TGOLN2: variants seen among roughly 807,000 people sequenced by gnomAD.
The protein encoded by TGOLN2 is trans-golgi network protein 2.
In TGOLN2, 19 loss-of-function variants were observed where a neutral mutation model predicts 31.3. That is an observed-to-expected ratio of 0.61 (90% CI 0.42 to 0.89). The LOEUF (loss-of-function observed/expected upper bound fraction) is 0.89. Among genes scored for constraint, TGOLN2 ranks in the 40% least tolerant of loss-of-function variants. The probability of loss-of-function intolerance (pLI) is 0.00; values close to 1 mark genes in which losing one functional copy is unlikely to be tolerated. For missense variants in TGOLN2, 540 were observed against 559.2 expected (o/e 0.97, Z 0.35); for synonymous variants, 222 against 226.7 (o/e 0.98, Z 0.19).
intron 3 of TGOLN2, chr2:85,324,642 A>G (rs1311746801): frequency 6.3e-6 from 3 of 474,382 alleles, no homozygotes; most frequent in South Asian, 4.1e-5. Flanking sequence ...AAAAAAAAAA[A>G]AGAGTGTTTC....
Position 85,327,537 on chromosome 2 carries a change from G to C in TGOLN2, c.195C>G (p.Asp65Glu). 2.5e-6 allele frequency: 4 copies of C among 1,614,072 alleles called. No individual in the cohort carries two copies. The highest frequency in any genetic ancestry group is 3.4e-6 in the Non-Finnish European group (4 of 1,179,900). ...KSHPEPQTPK[D>E]SPSKSSAEAQ... ...CCTCCGCACTCGACTTGCTAGGGCT[G>C]TCTTTTGGAGTCTGCGGCTCCGGAT... Residue 65 changes from aspartate (D) to glutamate (E), a missense_variant, in exon 2 of 4, where the codon GAC (aspartate) becomes GAG (glutamate). Transcript: ENST00000377386.
At chr2:85,323,603 C>A (rs1000521781) in intron 3 of TGOLN2, among the ~76,000 whole-genome samples, 1 of 152,092 alleles carries the variant, frequency 6.6e-6, no homozygotes, top group Non-Finnish European at 1.5e-5. Flanking sequence ...GGGGGAAAAC[C>A]CTTAAAGTCA....
In TGOLN2 at chr2:85,326,508, C is replaced by G. The variant is rs766420496; in HGVS notation, c.1224G>C (p.Lys408Asn). ...CTCCGGAAGGCCGCTGTCGACTTAC[C>G]TTCCGCTTGTTGTGATGAGCGATAT... ...VLYIAHHNKR[K>N]IIAFVLEGKR... Residue 408 changes from lysine to asparagine, a missense_variant and splice_region_variant, in exon 2 of 4, where the codon AAG becomes AAC. Transcript: ENST00000377386. The G allele has an allele frequency of 2.2e-5, 35 of 1,608,950 alleles. No individual in the cohort carries two copies. The highest frequency in any genetic ancestry group is 3.0e-5 in the Non-Finnish European group (35 of 1,175,816).
intron 3 of TGOLN2, chr2:85,324,242 G>C (rs1558671001): frequency 1.3e-5 from 2 of 152,366 alleles, no homozygotes; most frequent in Non-Finnish European, 2.9e-5. Context: ...GACCAACATG[G>C]AGAAACCCAT....
Position 85,327,179 on chromosome 2 carries a change from C to T in TGOLN2, c.553G>A (p.Asp185Asn). 2 of 1,613,578 alleles carry T rather than the reference C, an allele frequency of 1.2e-6. No individual in the cohort carries two copies. The highest frequency in any genetic ancestry group is 1.7e-6 in the Non-Finnish European group (2 of 1,179,828). ...TKDVPNKSGA[D>N]GQTPKDGSSK... Reference sequence around the variant, plus strand: ...GAGCCGTCTTTTGGGGTCTGGCCGTCCGCACCCGACTTATTAGGGACATCT... The same window carrying T: ...GAGCCGTCTTTTGGGGTCTGGCCGTTCGCACCCGACTTATTAGGGACATCT... The change falls in exon 2 of 4, where the codon GAC (aspartate) becomes AAC (asparagine). Residue 185 changes from aspartate (D) to asparagine (N), a missense_variant. Physicochemically the swap from Asp to Asn is conservative, Grantham distance 23. Transcript: ENST00000377386.
chr2:85,318,608 C>G lies in TGOLN2; in HGVS notation c.*4128G>C, dbSNP rs1335111409. ...ACAGTTTCCTCCATGCTGCAATGCT[C>G]TAGTTCTCATCACGCCCATAGCATC... On this transcript the variant is annotated 3_prime_UTR_variant, in exon 4 of 4. Coordinates refer to ENST00000377386, the MANE Select transcript of TGOLN2 (RefSeq NM_006464.4). 1 of 152,256 alleles carries G rather than the reference C, an allele frequency of 6.6e-6. No homozygotes were observed. The highest frequency in any genetic ancestry group is 1.5e-5 in the Non-Finnish European group (1 of 68,050). 9.4% of individuals were successfully genotyped at this position (152,256 alleles called of 1,614,324 possible).
chr2:85,322,478 G>A lies in TGOLN2; in HGVS notation c.*258C>T, dbSNP rs1682581034. The stretch of plus-strand genomic sequence containing the variant: ...TGGAAGCCACCAGCATAAATAAAGG[G>A]AACACAGAAGAACAATGTCACCAAA... On this transcript the variant is annotated 3_prime_UTR_variant, in exon 4 of 4. Coordinates refer to ENST00000377386, the MANE Select transcript of TGOLN2 (RefSeq NM_006464.4). 1.6e-6 allele frequency: 1 copy of A among 611,548 alleles called. No homozygotes were observed. The highest frequency in any genetic ancestry group is 2.7e-6 in the Non-Finnish European group (1 of 364,652). 37.9% of individuals were successfully genotyped at this position (611,548 alleles called of 1,614,324 possible).
intron 2 of TGOLN2, among the ~76,000 whole-genome samples, chr2:85,325,673 T>C (rs1682705552): frequency 6.6e-6 from 1 of 152,174 alleles, no homozygotes; most frequent in South Asian, 2.1e-4. Context: ...AGACGAGGTC[T>C]TGCTATGTTG....
Position 85,326,742 on chromosome 2 carries a change from A to G in TGOLN2, c.990T>C (p.Asp330=), listed in dbSNP as rs1484857523. Residue 330 remains aspartate (D), a synonymous_variant, in exon 2 of 4, where the codon GAT becomes GAC. Coordinates refer to ENST00000377386, the MANE Select transcript of TGOLN2 (RefSeq NM_006464.4). ...GCGGTGAGCCCTCCTCGGGTCCTGT[A>G]TCATCATCTTCAGCCTCTTTGGGCT... is the stretch of plus-strand genomic sequence containing the variant. The part of the protein sequence containing the change: ...DVEPKEAEDD[D]TGPEEGSPPK... 1 of 1,613,836 alleles carries G rather than the reference A, an allele frequency of 6.2e-7. No homozygotes were observed. Among genetic ancestry groups the G allele is most frequent in the Admixed American group, 1.7e-5 (1 of 60,000 alleles).
chr2:85,327,055 G>A lies in TGOLN2; in HGVS notation c.677C>T (p.Ala226Val), dbSNP rs1682759712. Reference sequence around the variant, plus strand: ...CCCGTCTATTGGGCCCTGCTCCTCTGCACCGGACTTGTTAGAGCCGTCTTT... The same window carrying A: ...CCCGTCTATTGGGCCCTGCTCCTCTACACCGGACTTGTTAGAGCCGTCTTT... Reference protein sequence around the residue: ...TPKDGSNKSGAEEQGPIDGPS... With the variant: ...TPKDGSNKSGVEEQGPIDGPS... Residue 226 changes from alanine to valine, a missense_variant, in exon 2 of 4, where the codon GCA becomes GTA. By Grantham distance (64) the Ala-to-Val change is moderately conservative. Transcript: ENST00000377386. 1.2e-6 allele frequency: 2 copies of A among 1,613,550 alleles called. No homozygotes were observed. Among genetic ancestry groups the A allele is most frequent in the Non-Finnish European group, 8.5e-7 (1 of 1,179,786 alleles).
At position 85,326,518 on chromosome 2, in the gene TGOLN2, T is replaced by C. The variant is rs993898816; in HGVS notation, c.1214A>G (p.Asn405Ser). 1.2e-6 allele frequency: 2 copies of C among 1,610,506 alleles called. No individual in the cohort carries two copies. The highest frequency in any genetic ancestry group is 2.7e-5 in the African/African-American group (2 of 74,848). The change falls in exon 2 of 4, where the codon AAC (asparagine) becomes AGC (serine). Residue 405 changes from asparagine to serine, a missense_variant. Coordinates refer to ENST00000377386, the MANE Select transcript of TGOLN2 (RefSeq NM_006464.4). ...LVAVLYIAHH[N>S]KRKIIAFVLE... ...CCGCTGTCGACTTACCTTCCGCTTG[T>C]TGTGATGAGCGATATAGAGGACAGC...
At chr2:85,324,189 G>A (rs761940499) in intron 3 of TGOLN2, among the ~76,000 whole-genome samples, 1 of 152,150 alleles carries the variant, frequency 6.6e-6, no homozygotes, top group Admixed American at 6.5e-5. Flanking sequence ...TTGGGAGGTC[G>A]AGGCGGGCGG....
intron 3 of TGOLN2, among the ~76,000 whole-genome samples, chr2:85,324,204 C>T (rs904528820): frequency 2.6e-5 from 4 of 152,096 alleles, no homozygotes; most frequent in African/African-American, 9.7e-5. Context: ...GGGCGGATCA[C>T]CTGAGGTTGG....
chr2:85,326,837 C>A lies in TGOLN2; in HGVS notation c.895G>T (p.Gly299Trp), dbSNP rs1371673993. 6.2e-7 allele frequency: 1 copy of A among 1,614,038 alleles called. No homozygotes were observed. The change falls in exon 2 of 4, where the codon GGG becomes TGG. Residue 299 changes from glycine to tryptophan, a missense_variant. Coordinates refer to ENST00000377386, the MANE Select transcript of TGOLN2 (RefSeq NM_006464.4). ...LSPHAFKTES[G>W]EETDLISPPQ... ...GGAGAAATGAGGTCAGTTTCCTCCC[C>A]AGATTCGGTTTTGAAAGCATGAGGA...
Position 85,327,150 on chromosome 2 carries a change from G to C in TGOLN2, c.582C>G (p.Ser194Arg). The stretch of plus-strand genomic sequence containing the variant: ...GGGTCTGATCCTCCGCACCCGACTT[G>C]CTGGAGCCGTCTTTTGGGGTCTGGC... ...ADGQTPKDGS[S>R]KSGAEDQTPK... The change falls in exon 2 of 4, where the codon AGC (serine) becomes AGG (arginine). Residue 194 changes from serine (S) to arginine (R), a missense_variant. Coordinates refer to ENST00000377386, the MANE Select transcript of TGOLN2 (RefSeq NM_006464.4). 6.2e-7 allele frequency: 1 copy of C among 1,613,732 alleles called. No homozygotes were observed. Among genetic ancestry groups the C allele is most frequent in the Non-Finnish European group, 8.5e-7 (1 of 1,179,828 alleles).
At chr2:85,327,827 G>C in intron 1 of TGOLN2, 90 bp downstream of exon 1, 1 of 1,539,832 alleles carries the variant, frequency 6.5e-7, no homozygotes, top group Admixed American at 2.0e-5. Flanking sequence ...AGGTGGGTCG[G>C]GTAGGGAAGA....
chr2:85,326,529 G>A lies in TGOLN2; in HGVS notation c.1203C>T (p.Ile401=), dbSNP rs1447038626. Residue 401 remains isoleucine, a synonymous_variant, in exon 2 of 4, where the codon ATC becomes ATT. Transcript: ENST00000377386. The part of the protein sequence containing the change: ...TAAILVAVLY[I]AHHNKRKIIA... ...TTACCTTCCGCTTGTTGTGATGAGC[G>A]ATATAGAGGACAGCCACAAGAATGG... The A allele has an allele frequency of 3.7e-6, 6 of 1,613,498 alleles. No homozygotes were observed. Among genetic ancestry groups the A allele is most frequent in the South Asian group, 2.2e-5 (2 of 91,082 alleles).
At chr2:85,325,858 T>C (rs984789476) in intron 2 of TGOLN2, among the ~76,000 whole-genome samples, 9 of 152,230 alleles carry the variant, frequency 5.9e-5, no homozygotes, top group African/African-American at 1.9e-4. Context: ...GACTCTCCAA[T>C]TTTAAGCAGG....
In TGOLN2 at chr2:85,322,285, A is replaced by C; in HGVS notation, c.*451T>G. 1 of 208,878 alleles carries C rather than the reference A, an allele frequency of 4.8e-6. No homozygotes were observed. The highest frequency in any genetic ancestry group is 9.5e-6 in the Non-Finnish European group (1 of 105,806). 12.9% of individuals were successfully genotyped at this position (208,878 alleles called of 1,614,324 possible). ...ACCTGCAGTTTTCCCCTAGGTCTGC[A>C]GAGAGAAACAGTGCAGAGTGCAATG... On this transcript the variant is annotated 3_prime_UTR_variant, in exon 4 of 4. Coordinates refer to ENST00000377386, the MANE Select transcript of TGOLN2 (RefSeq NM_006464.4).
Sources: allele counts gnomAD v4.1 joint callset (sites outside exome capture counted in the v4.1 genomes callset), GRCh38; gene constraint gnomAD v4.1.1; transcripts MANE v1.5; gene names NCBI Gene and HGNC (gene_info 2026-07-23, HGNC 2026-07-21).